LRRIQ1: variants seen among roughly 807,000 people sequenced by gnomAD.
LRRIQ1 encodes the protein leucine rich repeats and IQ motif containing 1, also known as leucine-rich repeat- and IQ domain-containing protein 1.
LRRIQ1 carries 210 observed loss-of-function variants against 211.9 expected under a neutral mutation model. That is an observed-to-expected ratio of 0.99 (90% CI 0.89 to 1.11). The LOEUF (loss-of-function observed/expected upper bound fraction) is 1.11, where lower values mean the gene tolerates loss of function less well. Among genes scored for constraint, LRRIQ1 ranks in the 50% most tolerant of loss-of-function variants. The pLI, the probability that LRRIQ1 is intolerant of heterozygous loss-of-function variation, is 0.00. For missense variants in LRRIQ1, 2,136 were observed against 1,939.5 expected (o/e 1.10, Z -1.90); for synonymous variants, 699 against 650.1 (o/e 1.08, Z -1.14).
chr12:85,202,490 G>T (rs1592964776), intron 24 of LRRIQ1, among the ~76,000 whole-genome samples: 2 of 152,258 alleles, frequency 1.3e-5, no homozygotes, highest in African/African-American at 4.8e-5. Flanking sequence ...ATATATTTAG[G>T]ATAGTTAGGT....
chr12:85,260,269 A>G (rs143719431), intron 1 of LRRIQ1, among the ~76,000 whole-genome samples: 57 of 152,112 alleles, frequency 3.7e-4, no homozygotes, highest in African/African-American at 1.2e-3. Flanking sequence ...CTGAGATTCA[A>G]TTCATACACT....
chr12:85,254,094 C>T (rs550516261), intron 1 of LRRIQ1, among the ~76,000 whole-genome samples: 1 of 152,108 alleles, frequency 6.6e-6, no homozygotes, highest in East Asian at 1.9e-4. Flanking sequence ...GTAGCACCTA[C>T]CCCCTTGCTC....
chr12:85,121,341 A>T (rs1014986153), intron 15 of LRRIQ1, among the ~76,000 whole-genome samples: 2 of 152,186 alleles, frequency 1.3e-5, no homozygotes, highest in Non-Finnish European at 2.9e-5. Context: ...TAAGATTATT[A>T]TAGTTATCTT....
chr12:85,122,052 A>G (rs968302599), intron 16 of LRRIQ1, among the ~76,000 whole-genome samples, 176 bp downstream of exon 16: 2 of 152,164 alleles, frequency 1.3e-5, no homozygotes, highest in Non-Finnish European at 2.9e-5. Flanking sequence ...AAATATATTA[A>G]TATGTATTTT....
At chr12:85,195,196 A>G (rs1298654393) in intron 24 of LRRIQ1, among the ~76,000 whole-genome samples, 13 of 152,090 alleles carry the variant, frequency 8.5e-5, no homozygotes, top group East Asian at 1.9e-4. Context: ...TTACCAATCA[A>G]AAAGAGTCCA....
intron 24 of LRRIQ1, among the ~76,000 whole-genome samples, chr12:85,212,477 A>C (rs1427457507): frequency 6.6e-6 from 1 of 152,094 alleles, no homozygotes; most frequent in Admixed American, 6.6e-5. Context: ...AGTTGCAAGA[A>C]TATAGAAAAA....
At chr12:85,165,345 A>T (rs1305788753) in intron 24 of LRRIQ1, among the ~76,000 whole-genome samples, 1 of 151,042 alleles carries the variant, frequency 6.6e-6, no homozygotes, top group Non-Finnish European at 1.5e-5. Context: ...CTTTGCGTCC[A>T]TGTGTACCTG....
At chr12:85,215,848 T>A (rs1417134963) in intron 24 of LRRIQ1, among the ~76,000 whole-genome samples, 1 of 152,142 alleles carries the variant, frequency 6.6e-6, no homozygotes, top group African/African-American at 2.4e-5. Flanking sequence ...ACAAACAATA[T>A]TGAACAAATG....
At chr12:85,094,302 A>C (rs970598896) in intron 11 of LRRIQ1, among the ~76,000 whole-genome samples, 2 of 152,160 alleles carry the variant, frequency 1.3e-5, no homozygotes, top group Admixed American at 1.3e-4. Context: ...CACTGATTCT[A>C]CTTTGTGGTG....
At chr12:85,239,088 A>C (rs562817173) in intron 26 of LRRIQ1, among the ~76,000 whole-genome samples, 1 of 152,144 alleles carries the variant, frequency 6.6e-6, no homozygotes, top group East Asian at 1.9e-4. Flanking sequence ...ACTGCAAAAC[A>C]CTGCTTTAAA....
At chr12:85,162,540 G>T (rs1052740473) in intron 24 of LRRIQ1, among the ~76,000 whole-genome samples, 1 of 152,014 alleles carries the variant, frequency 6.6e-6, no homozygotes, top group African/African-American at 2.4e-5. Flanking sequence ...ATCCTAATAG[G>T]TTCTCTTGCA....
intron 11 of LRRIQ1, among the ~76,000 whole-genome samples, chr12:85,079,546 A>T (rs1043205952): frequency 6.6e-6 from 1 of 152,040 alleles, no homozygotes; most frequent in African/African-American, 2.4e-5. Flanking sequence ...TTTACTTAAA[A>T]TATGTCTACA....
At chr12:85,248,147 A>G (rs1214703465), downstream of LRRIQ1, among the ~76,000 whole-genome samples, 1 of 151,598 alleles carries the variant, frequency 6.6e-6, no homozygotes, top group Non-Finnish European at 1.5e-5. Context: ...ATATAATAAT[A>G]CTTTTATTGT....
chr12:85,180,635 G>T (rs1891935229), intron 24 of LRRIQ1, among the ~76,000 whole-genome samples: 1 of 151,802 alleles, frequency 6.6e-6, no homozygotes, highest in Admixed American at 6.6e-5. Flanking sequence ...TTGCCATAAT[G>T]AGATAAAATA....
intron 25 of LRRIQ1, among the ~76,000 whole-genome samples, chr12:85,230,605 A>G (rs1894885470): frequency 6.6e-6 from 1 of 152,220 alleles, no homozygotes; most frequent in Admixed American, 6.5e-5. Flanking sequence ...CCAGCCCCTA[A>G]CAATATGATA....
intron 1 of LRRIQ1, among the ~76,000 whole-genome samples, chr12:85,252,848 TGA>T (rs1267826592): frequency 1.3e-5 from 2 of 151,958 alleles, no homozygotes; most frequent in Non-Finnish European, 2.9e-5. Context: ...AAACTCCTAT[TGA>T]GCACTATCAT....
In LRRIQ1 at chr12:85,066,918, A is replaced by G; in HGVS notation, c.2695+20A>G. The G allele has an allele frequency of 7.7e-7, 1 of 1,301,844 alleles. No homozygotes were observed. The highest frequency in any genetic ancestry group is 1.0e-6 in the Non-Finnish European group (1 of 958,506). 80.6% of individuals were successfully genotyped at this position (1,301,844 alleles called of 1,614,324 possible). On this transcript the variant is annotated intron_variant, in intron 10 of 26. Coordinates refer to ENST00000393217, the MANE Select transcript of LRRIQ1 (RefSeq NM_001079910.2). Reference sequence around the variant, plus strand: ...GAATTGGTAAGAACAATGAAATTTTAATATTTAAAGATATATTTCTCATAA... The same window carrying G: ...GAATTGGTAAGAACAATGAAATTTTGATATTTAAAGATATATTTCTCATAA...
intron 15 of LRRIQ1, among the ~76,000 whole-genome samples, chr12:85,111,437 G>A (rs936971128): frequency 6.6e-5 from 10 of 151,938 alleles, no homozygotes; most frequent in Non-Finnish European, 1.2e-4. Flanking sequence ...ATTCCACTCC[G>A]TTGACTAGTT....
At chr12:85,200,051 G>C (rs1214840784) in intron 24 of LRRIQ1, among the ~76,000 whole-genome samples, 1 of 152,066 alleles carries the variant, frequency 6.6e-6, no homozygotes. Context: ...TCTGTAAATT[G>C]CTTTGGGCAG....
Sources: allele counts gnomAD v4.1 joint callset (sites outside exome capture counted in the v4.1 genomes callset), GRCh38; gene constraint gnomAD v4.1.1; transcripts MANE v1.5; gene names NCBI Gene and HGNC (gene_info 2026-07-23, HGNC 2026-07-21).